Variants in HS3ST4 observed in about 807,000 individuals in gnomAD.
HS3ST4 encodes the protein heparan sulfate glucosamine 3-O-sulfotransferase 4.
A neutral mutation model predicts 29.2 loss-of-function variants in HS3ST4; 17 were observed. That is an observed-to-expected ratio of 0.58 (90% confidence interval 0.40 to 0.87). The LOEUF (loss-of-function observed/expected upper bound fraction) is 0.87, where lower values mean the gene tolerates loss of function less well. Among genes scored for constraint, HS3ST4 ranks in the 40% least tolerant of loss-of-function variants. The pLI is 0.00. For synonymous variants in HS3ST4, 314 were observed against 285.7 expected, an observed-to-expected ratio of 1.10 and a Z score of -1.00; for missense variants, 627 against 634.5, an observed-to-expected ratio of 0.99 and a Z score of 0.13.
At chr16:25,849,156 ATTTTTGACTTC>A (rs1216926424) in intron 1 of HS3ST4, among the ~76,000 whole-genome samples, 1 of 152,150 alleles carries the variant, frequency 6.6e-6, no homozygotes, top group East Asian at 1.9e-4. Flanking sequence ...TAGCTTTAAC[ATTTTTGACTTC>A]TTTTTGAAAT....
At chr16:26,026,425 A>G (rs1234663295) in intron 1 of HS3ST4, among the ~76,000 whole-genome samples, 2 of 152,166 alleles carry the variant, frequency 1.3e-5, no homozygotes, top group Non-Finnish European at 2.9e-5. Context: ...AGGTTGGGTA[A>G]TTCAGTAGCT....
intron 1 of HS3ST4, among the ~76,000 whole-genome samples, chr16:25,718,343 A>G (rs1966471618): frequency 6.6e-6 from 1 of 152,124 alleles, no homozygotes; most frequent in Non-Finnish European, 1.5e-5. Flanking sequence ...ATTCCTTTTC[A>G]TGAATGTTTA....
chr16:26,090,914 A>G (rs1385026316), intron 1 of HS3ST4, among the ~76,000 whole-genome samples: 2 of 152,312 alleles, frequency 1.3e-5, no homozygotes, highest in African/African-American at 4.8e-5. Flanking sequence ...CCTTGGTCAC[A>G]GGATGGAGTC....
rs1400659522 is a variant in HS3ST4 at position 25,919,423 on chromosome 16, T to C, written c.735-216189T>C. Among the ~76,000 whole-genome samples the C allele has an allele frequency of 2.0e-5, 3 of 152,206 alleles. No homozygotes were observed. In the East Asian group the frequency reaches 5.8e-4, roughly 29 times the overall value. ...AAACATCAAGAATCCTCTTTGGATA[T>C]GTCAAATTTGAAATGCCTGTTAGAT... On this transcript the variant is annotated intron_variant, in intron 1 of 1. Coordinates refer to ENST00000331351, the MANE Select transcript of HS3ST4 (RefSeq NM_006040.3).
chr16:25,928,328 G>C lies in HS3ST4; in HGVS notation c.735-207284G>C, dbSNP rs1022713912. Among the ~76,000 whole-genome samples the C allele has an allele frequency of 3.3e-5, 5 of 151,974 alleles. 1 individual carries two copies. Among genetic ancestry groups the C allele is most frequent in the African/African-American group, 4.8e-5 (2 of 41,336 alleles). On this transcript the variant is annotated intron_variant, in intron 1 of 1. Coordinates refer to ENST00000331351, the MANE Select transcript of HS3ST4 (RefSeq NM_006040.3). The stretch of plus-strand genomic sequence containing the variant: ...TACAGTGAGCTATGATTGCACCATT[G>C]CACTCCAGCCTGGGCAACAGAGCGA...
At chr16:25,822,944 G>C (rs947061004) in intron 1 of HS3ST4, among the ~76,000 whole-genome samples, 16 of 152,120 alleles carry the variant, frequency 1.1e-4, no homozygotes, top group South Asian at 1.0e-3. Context: ...CCCTATGTTG[G>C]TCAGGCTGGT....
chr16:25,735,789 C>T (rs1966604835), intron 1 of HS3ST4, among the ~76,000 whole-genome samples: 1 of 152,136 alleles, frequency 6.6e-6, no homozygotes, highest in Non-Finnish European at 1.5e-5. Context: ...TTCACTGGCC[C>T]AGATTCAGTT....
intron 1 of HS3ST4, among the ~76,000 whole-genome samples, chr16:26,012,340 A>AATCAGCCAAATATT (rs1969318494): frequency 6.6e-6 from 1 of 152,224 alleles, no homozygotes; most frequent in South Asian, 2.1e-4. Flanking sequence ...TCCCTCAATC[A>AATCAGCCAAATATT]ATCAGCCAAA....
intron 1 of HS3ST4, among the ~76,000 whole-genome samples, chr16:25,998,839 A>G (rs931930344): frequency 1.3e-5 from 2 of 152,154 alleles, no homozygotes; most frequent in African/African-American, 4.8e-5. Flanking sequence ...TGTCCCTGTT[A>G]AAGTGTCCAT....
intron 1 of HS3ST4, among the ~76,000 whole-genome samples, chr16:26,031,398 A>G (rs1045684641): frequency 4.6e-5 from 7 of 152,204 alleles, no homozygotes; most frequent in African/African-American, 1.7e-4. Context: ...ACTCATTTCT[A>G]TTGGAATAAG....
intron 1 of HS3ST4, among the ~76,000 whole-genome samples, chr16:25,890,904 C>G (rs1020024578): frequency 1.3e-5 from 2 of 152,118 alleles, no homozygotes; most frequent in Non-Finnish European, 2.9e-5. Context: ...CGGATCAGCT[C>G]CATTTCTGAG....
At chr16:26,089,805 G>A (rs1215042761) in intron 1 of HS3ST4, among the ~76,000 whole-genome samples, 1 of 152,186 alleles carries the variant, frequency 6.6e-6, no homozygotes, top group African/African-American at 2.4e-5. Flanking sequence ...CCAGTGAATT[G>A]TGAGTTTGAG....
At chr16:26,114,727 C>G (rs571463683) in intron 1 of HS3ST4, among the ~76,000 whole-genome samples, 2 of 152,172 alleles carry the variant, frequency 1.3e-5, no homozygotes, top group African/African-American at 4.8e-5. Flanking sequence ...AAATAAGTAC[C>G]ATTAAAGGCT....
At chr16:25,813,525 A>G (rs1426231600) in intron 1 of HS3ST4, among the ~76,000 whole-genome samples, 2 of 152,236 alleles carry the variant, frequency 1.3e-5, no homozygotes, top group South Asian at 4.2e-4. Context: ...TGAACCTGGG[A>G]GGCGGAGGTT....
chr16:25,829,707 T>C (rs867771392), intron 1 of HS3ST4, among the ~76,000 whole-genome samples: 69 of 152,346 alleles, frequency 4.5e-4, no homozygotes, highest in Middle Eastern at 6.8e-3. Context: ...TTGCTGAGGA[T>C]GATGGCTTCC....
intron 1 of HS3ST4, among the ~76,000 whole-genome samples, chr16:26,005,824 G>C (rs1308308758): frequency 3.3e-5 from 5 of 151,988 alleles, no homozygotes; most frequent in Admixed American, 3.3e-4. Flanking sequence ...ATTACCATTT[G>C]GGGCTGGATA....
intron 1 of HS3ST4, among the ~76,000 whole-genome samples, chr16:26,119,065 A>AT (rs1899237284): frequency 6.6e-6 from 1 of 152,238 alleles, no homozygotes. Flanking sequence ...TAGAGTATTC[A>AT]TTTTTGATTT....
intron 1 of HS3ST4, among the ~76,000 whole-genome samples, chr16:26,111,864 G>T (rs979703040): frequency 1.3e-5 from 2 of 151,888 alleles, no homozygotes; most frequent in Non-Finnish European, 2.9e-5. Flanking sequence ...TAAAAATACA[G>T]AAATTAGCCA....
chr16:26,045,459 G>A (rs995216105), intron 1 of HS3ST4, among the ~76,000 whole-genome samples: 90 of 152,208 alleles, frequency 5.9e-4, no homozygotes, highest in African/African-American at 2.1e-3. Context: ...CTTGGGATTC[G>A]GTTTGGGAAA....
Sources: gnomAD v4.1 joint callset for allele counts (sites outside exome capture counted in the v4.1 genomes callset) on GRCh38, gnomAD v4.1.1 for gene constraint, MANE v1.5 for transcripts, NCBI Gene and HGNC (gene_info 2026-07-23, HGNC 2026-07-21) for gene names.